Variants in SCFD2 observed in about 807,000 individuals in gnomAD.
SCFD2 encodes the protein sec1 family domain containing 2.
Under a neutral mutation model 58.9 loss-of-function variants are expected in SCFD2, and 54 were observed. The ratio of observed to expected loss-of-function variants is 0.92; its 90% CI spans 0.74 to 1.15. The LOEUF is 1.15. SCFD2 is among the 50% of genes most tolerant of loss of function. The probability of loss-of-function intolerance (pLI) is 0.00; values close to 1 mark genes in which losing one functional copy is unlikely to be tolerated. For synonymous variants in SCFD2, 321 were observed against 335.9 expected (o/e 0.96, Z 0.49); for missense variants, 805 against 836.6 (o/e 0.96, Z 0.47).
At chr4:53,236,184 A>G (rs777893701) in intron 4 of SCFD2, among the ~76,000 whole-genome samples, 1 of 152,200 alleles carries the variant, frequency 6.6e-6, no homozygotes, top group African/African-American at 2.4e-5. Context: ...GCAGAAAAAC[A>G]TTAAAAATAG....
At chr4:53,185,555 A>G (rs1310947613) in intron 4 of SCFD2, among the ~76,000 whole-genome samples, 1 of 152,128 alleles carries the variant, frequency 6.6e-6, no homozygotes, top group Non-Finnish European at 1.5e-5. Flanking sequence ...AGCAACCAAG[A>G]GAAACCTGCA....
At chr4:53,091,772 C>A (rs1724476841) in intron 5 of SCFD2, among the ~76,000 whole-genome samples, 1 of 152,048 alleles carries the variant, frequency 6.6e-6, no homozygotes, top group Non-Finnish European at 1.5e-5. Flanking sequence ...AAAAATAGGG[C>A]TATGGAGTCT....
chr4:53,301,216 G>C (rs1732276741), intron 3 of SCFD2, among the ~76,000 whole-genome samples: 1 of 152,030 alleles, frequency 6.6e-6, no homozygotes, highest in Non-Finnish European at 1.5e-5. Context: ...GACTAATAAA[G>C]AAGAAAAGAG....
At chr4:53,269,031 G>A (rs1731079552) in intron 4 of SCFD2, among the ~76,000 whole-genome samples, 1 of 152,158 alleles carries the variant, frequency 6.6e-6, no homozygotes, top group Non-Finnish European at 1.5e-5. Flanking sequence ...CTAGAGCTAT[G>A]ATATTAGACC....
intron 4 of SCFD2, among the ~76,000 whole-genome samples, chr4:53,261,748 G>A (rs1233968159): frequency 6.6e-6 from 1 of 152,114 alleles, no homozygotes. Flanking sequence ...ATTTGTTGTA[G>A]GAACAATTTA....
intron 5 of SCFD2, among the ~76,000 whole-genome samples, chr4:53,030,935 A>T (rs529930516): frequency 2.0e-4 from 30 of 152,358 alleles, no homozygotes; most frequent in African/African-American, 6.7e-4. Context: ...ACACAGCAGA[A>T]GACTTCTTTT....
chr4:53,027,447 T>C (rs566100215), intron 5 of SCFD2, among the ~76,000 whole-genome samples: 16 of 152,314 alleles, frequency 1.1e-4, no homozygotes, highest in African/African-American at 3.6e-4. Context: ...CTCTTTGCAT[T>C]TGTTACTTTG....
chr4:53,216,502 T>A (rs1728841025), intron 4 of SCFD2, among the ~76,000 whole-genome samples: 1 of 152,224 alleles, frequency 6.6e-6, no homozygotes, highest in Admixed American at 6.5e-5. Context: ...ATCCCCTTTA[T>A]CATTTTTTAT....
intron 3 of SCFD2, among the ~76,000 whole-genome samples, chr4:53,305,035 C>G (rs115710039): frequency 0.016 from 2,451 of 152,134 alleles, 39 homozygotes; most frequent in Middle Eastern, 0.037. Context: ...GATGTTGATA[C>G]TATTCCTTTC....
chr4:53,199,499 A>G (rs2148965753), intron 4 of SCFD2, among the ~76,000 whole-genome samples: 1 of 152,262 alleles, frequency 6.6e-6, no homozygotes, highest in South Asian at 2.1e-4. Context: ...TTTATTCATA[A>G]CTAGCTCTTT....
intron 3 of SCFD2, among the ~76,000 whole-genome samples, chr4:53,291,111 C>T (rs1731825802): frequency 6.6e-6 from 1 of 152,090 alleles, no homozygotes; most frequent in African/African-American, 2.4e-5. Context: ...CCAGTATCTC[C>T]TCAATATCTA....
intron 2 of SCFD2, among the ~76,000 whole-genome samples, chr4:53,314,524 T>C (rs1178055250): frequency 6.6e-6 from 1 of 152,232 alleles, no homozygotes; most frequent in African/African-American, 2.4e-5. Context: ...TATACACATT[T>C]GTAGTAACGT....
intron 5 of SCFD2, among the ~76,000 whole-genome samples, chr4:52,947,718 G>T: frequency 6.6e-6 from 1 of 150,618 alleles, no homozygotes; most frequent in East Asian, 1.9e-4. Context: ...GCAAAAAAAC[G>T]ATATAAAATT....
At position 53,365,287 on chromosome 4, in the gene SCFD2, G is replaced by T. The variant is rs1346319828; in HGVS notation, c.655C>A (p.Leu219Ile). ...TPELLLQIRC[L>I]VSGLSSLCEH... is the part of the protein sequence containing the mutation. ...CACAGAGAACTGAGGCCTGACACTA[G>T]GCATCTGATCTGCAGCAGCAGCTCT... The change falls in exon 1 of 9, where the codon CTA becomes ATA. Residue 219 changes from leucine to isoleucine, a missense_variant. Physicochemically the swap from Leu to Ile is conservative, Grantham distance 5. Coordinates refer to ENST00000401642, the MANE Select transcript of SCFD2 (RefSeq NM_152540.4). This position sits in a 1 kb window ranked among gnomAD's most constrained non-coding sequence, Gnocchi z 4.3. 1 of 1,614,194 alleles carries T rather than the reference G, an allele frequency of 6.2e-7. No individual in the cohort carries two copies. Among genetic ancestry groups the T allele is most frequent in the African/African-American group, 1.3e-5 (1 of 75,040 alleles).
chr4:53,354,075 C>T (rs112415078), intron 1 of SCFD2, among the ~76,000 whole-genome samples: 1 of 152,384 alleles, frequency 6.6e-6, no homozygotes, highest in African/African-American at 2.4e-5. Flanking sequence ...TCCTGCACCA[C>T]GTGCCCACAT....
chr4:53,246,194 G>C (rs1314323966), intron 4 of SCFD2, among the ~76,000 whole-genome samples: 1 of 152,104 alleles, frequency 6.6e-6, no homozygotes, highest in Non-Finnish European at 1.5e-5. Context: ...AAAAATCAGA[G>C]ATGGCACTAC....
rs762894919 is a variant in SCFD2, at chr4:53,365,431, G to C, written c.511C>G (p.Pro171Ala). 6.2e-7 allele frequency: 1 copy of C among 1,614,188 alleles called. No individual in the cohort carries two copies. Among genetic ancestry groups the C allele is most frequent in the Non-Finnish European group, 8.5e-7 (1 of 1,180,040 alleles). ...APVAPHFALT[P>A]AFASLFPLLP... ...AGTGGGAAAAGGGATGCAAAAGCTG[G>C]AGTCAAGGCAAAGTGGGGAGCAACA... is the stretch of plus-strand genomic sequence containing the variant. The change falls in exon 1 of 9, where the codon CCA becomes GCA. Residue 171 changes from proline to alanine, a missense_variant. Around this residue, in one of 3 missense-constraint regions of SCFD2, gnomAD observed 633 missense variants for 646.8 expected, o/e 0.98. Transcript: ENST00000401642. This position sits in a 1 kb window ranked among gnomAD's most constrained non-coding sequence, Gnocchi z 4.3.
chr4:52,996,611 G>A (rs542529231), intron 5 of SCFD2, among the ~76,000 whole-genome samples: 56 of 152,280 alleles, frequency 3.7e-4, no homozygotes, highest in African/African-American at 1.3e-3. Context: ...GAGTATATGC[G>A]GCTTGGGGTG....
At chr4:53,319,091 G>A (rs1732948401) in intron 2 of SCFD2, among the ~76,000 whole-genome samples, 2 of 152,128 alleles carry the variant, frequency 1.3e-5, no homozygotes, top group Admixed American at 1.3e-4. Context: ...AACGTCAATT[G>A]TTTTTCACTT....
Sources: gnomAD v4.1 joint callset for allele counts (sites outside exome capture counted in the v4.1 genomes callset) on GRCh38, gnomAD v4.1.1 for gene constraint, gnomAD v4.1.1 regional missense constraint, Gnocchi (gnomAD v3.1) non-coding constraint, MANE v1.5 for transcripts, NCBI Gene and HGNC (gene_info 2026-07-23, HGNC 2026-07-21) for gene names.